Variants in LRP1B observed in about 807,000 individuals in gnomAD.
LRP1B encodes the protein low-density lipoprotein receptor-related protein 1B.
A neutral mutation model predicts 556.6 loss-of-function variants in LRP1B; 217 were observed. The observed-to-expected ratio is 0.39, with a 90% CI of 0.35 to 0.44. The LOEUF (loss-of-function observed/expected upper bound fraction) is 0.44. LRP1B is among the 20% of genes least tolerant of loss of function. LRP1B has a pLI of 1.00. For missense variants in LRP1B, 5,053 were observed against 5,620.8 expected (o/e 0.90, Z 3.23); for synonymous variants, 2,047 against 1,865.8 (o/e 1.10, Z -2.50).
At chr2:141,165,862 C>T (rs1052041358) in intron 7 of LRP1B, among the ~76,000 whole-genome samples, 7 of 151,960 alleles carry the variant, frequency 4.6e-5, no homozygotes, top group African/African-American at 1.4e-4. Flanking sequence ...ATGTGAAATG[C>T]GCTATTGTAG....
chr2:141,809,903 G>A (rs902530318), intron 2 of LRP1B, among the ~76,000 whole-genome samples: 7 of 151,580 alleles, frequency 4.6e-5, no homozygotes, highest in Non-Finnish European at 1.0e-4. Flanking sequence ...CCCTTTTAGC[G>A]CTATATTTTA....
rs80203959 is a variant in LRP1B at position 140,521,890 on chromosome 2, A to G, written c.8026+3954T>C. 1.7e-3 allele frequency among the ~76,000 whole-genome samples: 263 copies of G among 152,172 alleles called. 3 individuals carry two copies. The highest frequency in any genetic ancestry group is 3.9e-3 in the Admixed American group (59 of 15,236). On this transcript the variant is annotated intron_variant, in intron 49 of 90. Coordinates refer to ENST00000389484, the MANE Select transcript of LRP1B (RefSeq NM_018557.3). Reference sequence around the variant, plus strand: ...TTGCTATTCGTATATCAGATATAATAGACTTTAAACAACAACAGTAGAAAA... The same window carrying G: ...TTGCTATTCGTATATCAGATATAATGGACTTTAAACAACAACAGTAGAAAA...
At chr2:140,939,818 G>A (rs189946926) in intron 20 of LRP1B, among the ~76,000 whole-genome samples, 1 of 151,032 alleles carries the variant, frequency 6.6e-6, no homozygotes, top group East Asian at 1.9e-4. Flanking sequence ...AGAAAATACA[G>A]GTAAAATTTT....
At chr2:140,642,586 A>G (rs1267455419) in intron 41 of LRP1B, among the ~76,000 whole-genome samples, 1 of 152,162 alleles carries the variant, frequency 6.6e-6, no homozygotes, top group East Asian at 1.9e-4. Context: ...TCACACCTGT[A>G]ATCCCAGCAC....
chr2:141,914,190 T>G (rs1182968623), intron 1 of LRP1B, among the ~76,000 whole-genome samples: 1 of 152,170 alleles, frequency 6.6e-6, no homozygotes, highest in African/African-American at 2.4e-5. Context: ...TATACAAAAT[T>G]GAAATTCCTG....
chr2:140,521,599 C>T (rs1264296648), intron 49 of LRP1B, among the ~76,000 whole-genome samples: 6 of 151,916 alleles, frequency 3.9e-5, no homozygotes, highest in Non-Finnish European at 7.4e-5. Context: ...AGCACACAGC[C>T]CATGAACCCT....
At chr2:142,017,948 A>T (rs1391609169) in intron 1 of LRP1B, among the ~76,000 whole-genome samples, 1 of 104,424 alleles carries the variant, frequency 9.6e-6, no homozygotes, top group Non-Finnish European at 1.9e-5. Flanking sequence ...CTATCTACTG[A>T]CACGCTCTTT....
At chr2:140,890,235 G>A (rs1190208985) in intron 23 of LRP1B, among the ~76,000 whole-genome samples, 4 of 152,082 alleles carry the variant, frequency 2.6e-5, no homozygotes, top group African/African-American at 9.7e-5. Context: ...CTCAAAAGGG[G>A]CTGTCTCTGG....
intron 2 of LRP1B, among the ~76,000 whole-genome samples, chr2:141,712,064 C>A (rs1027381679): frequency 2.6e-5 from 4 of 152,102 alleles, no homozygotes; most frequent in Non-Finnish European, 4.4e-5. Context: ...TTGCTTACCC[C>A]ACCCACACAA....
intron 7 of LRP1B, among the ~76,000 whole-genome samples, chr2:141,087,679 C>T (rs1379701178): frequency 6.6e-6 from 1 of 152,126 alleles, no homozygotes; most frequent in Non-Finnish European, 1.5e-5. Context: ...AGATTCCTAA[C>T]ATCTGCTAGA....
chr2:142,128,628 T>C (rs1707740870), intron 1 of LRP1B, among the ~76,000 whole-genome samples: 1 of 152,218 alleles, frequency 6.6e-6, no homozygotes, highest in South Asian at 2.1e-4. Flanking sequence ...CTAACAGTTT[T>C]GAAAGTGTGT....
intron 6 of LRP1B, among the ~76,000 whole-genome samples, chr2:141,204,858 AC>A (rs1682202670): frequency 6.6e-6 from 1 of 151,966 alleles, no homozygotes; most frequent in Non-Finnish European, 1.5e-5. Flanking sequence ...AATCTCTTGA[AC>A]CCAAGAGGTG....
intron 31 of LRP1B, among the ~76,000 whole-genome samples, chr2:140,832,709 G>C (rs1028920644): frequency 2.6e-5 from 4 of 152,172 alleles, no homozygotes; most frequent in African/African-American, 9.6e-5. Flanking sequence ...TGTGGGTAGA[G>C]AGTTGATTGG....
At position 141,680,456 on chromosome 2, in the gene LRP1B, G is replaced by T. The variant is rs140212971; in HGVS notation, c.205+129823C>A. Among the ~76,000 whole-genome samples the T allele has an allele frequency of 2.5e-3, 387 of 152,184 alleles. 2 individuals are homozygous for T. Among genetic ancestry groups the T allele is most frequent in the African/African-American group, 8.7e-3 (360 of 41,540 alleles). On this transcript the variant is annotated intron_variant, in intron 2 of 90. Transcript: ENST00000389484. ...CCAAAAAGAAGTCCTTGGGAACATA[G>T]GAAGAAATGGAATTCTTCCCAATGT...
intron 71 of LRP1B, among the ~76,000 whole-genome samples, chr2:140,366,322 AGT>A (rs768160507): frequency 3.7e-4 from 56 of 151,646 alleles, no homozygotes; most frequent in Non-Finnish European, 7.4e-4. Flanking sequence ...CTCATTTTTT[AGT>A]GTGTGTGGAC....
chr2:140,428,020 AC>A (rs1444159364), intron 66 of LRP1B, among the ~76,000 whole-genome samples: 2 of 152,066 alleles, frequency 1.3e-5, no homozygotes, highest in Admixed American at 6.5e-5. Flanking sequence ...AAATCAGATA[AC>A]GTTTAGGCTC....
chr2:141,188,550 C>A lies in LRP1B; in HGVS notation c.884G>T (p.Arg295Leu). ...GACATGGTCCACAAAATAGAGATTTCGAGTGAGCCAGTCAATCGCCATTTG... is the reference window on the plus strand; with the variant it reads ...GACATGGTCCACAAAATAGAGATTTAGAGTGAGCCAGTCAATCGCCATTTG... ...VQQMAIDWLT[R>L]NLYFVDHVGD... is the part of the protein sequence containing the mutation. The change falls in exon 7 of 91, where the codon CGA becomes CTA. Residue 295 changes from arginine (R) to leucine (L), a missense_variant. Coordinates refer to ENST00000389484, the MANE Select transcript of LRP1B (RefSeq NM_018557.3). The A allele has an allele frequency of 6.2e-7, 1 of 1,612,476 alleles. No homozygotes were observed. Among genetic ancestry groups the A allele is most frequent in the Non-Finnish European group, 8.5e-7 (1 of 1,179,150 alleles).
intron 3 of LRP1B, among the ~76,000 whole-genome samples, chr2:141,398,798 C>A (rs1399441497): frequency 6.6e-6 from 1 of 152,320 alleles, no homozygotes; most frequent in South Asian, 2.1e-4. Context: ...GACTGAAACA[C>A]CCCCTCCTTG....
chr2:140,292,990 TG>T, intron 84 of LRP1B, among the ~76,000 whole-genome samples: 1 of 152,334 alleles, frequency 6.6e-6, no homozygotes, highest in Non-Finnish European at 1.5e-5. Flanking sequence ...CTTCTAACTC[TG>T]TAAGTAGGGA....
Sources: allele counts gnomAD v4.1 joint callset (sites outside exome capture counted in the v4.1 genomes callset), GRCh38; gene constraint gnomAD v4.1.1; transcripts MANE v1.5; gene names NCBI Gene and HGNC (gene_info 2026-07-23, HGNC 2026-07-21).